Variants in HMCN1 observed in about 807,000 individuals in gnomAD.
HMCN1 encodes the protein hemicentin-1.
HMCN1 carries 321 observed loss-of-function variants against 625.9 expected under a neutral mutation model. That is an observed-to-expected ratio of 0.51 (90% confidence interval 0.47 to 0.56). HMCN1 has a LOEUF of 0.56. HMCN1 is among the 20% of genes least tolerant of loss of function. The pLI, the probability that HMCN1 is intolerant of heterozygous loss-of-function variation, is 0.00. For synonymous variants in HMCN1, 2,425 were observed against 2,417.6 expected (o/e 1.00, Z -0.09); for missense variants, 6,588 against 6,887.3 (o/e 0.96, Z 1.54).
chr1:186,127,749 G>A (rs1298118742), intron 82 of HMCN1, among the ~76,000 whole-genome samples: 1 of 152,112 alleles, frequency 6.6e-6, no homozygotes, highest in Non-Finnish European at 1.5e-5. Flanking sequence ...TCAAGATGCT[G>A]TCAGCTTTTG....
intron 4 of HMCN1, among the ~76,000 whole-genome samples, chr1:185,906,219 A>G (rs1224415622): frequency 6.6e-6 from 1 of 151,768 alleles, no homozygotes; most frequent in Non-Finnish European, 1.5e-5. Context: ...TTATTCACAT[A>G]TTGGTAGTAT....
intron 1 of HMCN1, among the ~76,000 whole-genome samples, chr1:185,747,230 C>G (rs1028730466): frequency 2.0e-5 from 3 of 152,060 alleles, no homozygotes; most frequent in African/African-American, 7.2e-5. Context: ...TGGATAGGAA[C>G]AGAGTTCTCA....
chr1:185,949,684 A>G (rs1668540303), intron 11 of HMCN1, among the ~76,000 whole-genome samples: 1 of 151,944 alleles, frequency 6.6e-6, no homozygotes, highest in Non-Finnish European at 1.5e-5. Context: ...ACAGAAGGGA[A>G]GAAATGACTG....
At chr1:186,065,473 C>G in intron 49 of HMCN1, 44 bp downstream of exon 49, 1 of 1,410,890 alleles carries the variant, frequency 7.1e-7, no homozygotes, top group Non-Finnish European at 9.5e-7. Context: ...TCTGACATGA[C>G]TGTAGGCTAA....
intron 10 of HMCN1, among the ~76,000 whole-genome samples, chr1:185,929,564 C>A (rs1428808485): frequency 6.6e-6 from 1 of 152,092 alleles, no homozygotes; most frequent in Non-Finnish European, 1.5e-5. Context: ...CTATTCTGAC[C>A]TATATATTGC....
chr1:186,131,750 G>T (rs1661946167), intron 85 of HMCN1, among the ~76,000 whole-genome samples: 1 of 152,084 alleles, frequency 6.6e-6, no homozygotes, highest in Non-Finnish European at 1.5e-5. Flanking sequence ...TTTATTTAGT[G>T]CAGTCCTACA....
chr1:186,176,543 A>G (rs1652592702), intron 103 of HMCN1, among the ~76,000 whole-genome samples: 1 of 152,198 alleles, frequency 6.6e-6, no homozygotes, highest in South Asian at 2.1e-4. Context: ...GGCACATGAT[A>G]TCAAACCCAT....
At chr1:186,041,936 C>A (rs181038923) in intron 40 of HMCN1, among the ~76,000 whole-genome samples, 214 of 152,200 alleles carry the variant, frequency 1.4e-3, no homozygotes, top group Non-Finnish European at 2.4e-3. Context: ...AAATACATTA[C>A]CTTTTTAAAA....
At chr1:185,906,446 A>G (rs187531420) in intron 4 of HMCN1, among the ~76,000 whole-genome samples, 21 of 151,836 alleles carry the variant, frequency 1.4e-4, no homozygotes, top group Non-Finnish European at 2.7e-4. Flanking sequence ...TATATTCTGT[A>G]CCATTTGAAC....
chr1:185,751,947 C>G (rs534632795), intron 1 of HMCN1, among the ~76,000 whole-genome samples: 1 of 152,096 alleles, frequency 6.6e-6, no homozygotes, highest in East Asian at 1.9e-4. Flanking sequence ...TCTATTTGGT[C>G]TGCTGACTGT....
intron 55 of HMCN1, 56 bp downstream of exon 55, chr1:186,078,276 A>G (rs886641446): frequency 1.6e-6 from 2 of 1,269,800 alleles, no homozygotes; most frequent in Non-Finnish European, 2.3e-6. Context: ...TTTTTGAGGA[A>G]CTAATGTTTG....
At chr1:185,949,626 T>C (rs961218104) in intron 11 of HMCN1, among the ~76,000 whole-genome samples, 3 of 151,902 alleles carry the variant, frequency 2.0e-5, no homozygotes, top group Non-Finnish European at 2.9e-5. Context: ...GCTCATCTCT[T>C]ATCAGACTGT....
At chr1:185,832,809 C>T (rs1331949098) in intron 1 of HMCN1, among the ~76,000 whole-genome samples, 5 of 152,128 alleles carry the variant, frequency 3.3e-5, no homozygotes, top group African/African-American at 1.2e-4. Flanking sequence ...GCCAAAATTG[C>T]TATAAGAAAC....
At chr1:186,064,050 G>A (rs1020564490) in intron 48 of HMCN1, among the ~76,000 whole-genome samples, 1 of 152,078 alleles carries the variant, frequency 6.6e-6, no homozygotes, top group African/African-American at 2.4e-5. Context: ...ATAAGCAGAG[G>A]GGGGAATGTT....
At chr1:186,135,488 A>G (rs1649537977) in intron 86 of HMCN1, among the ~76,000 whole-genome samples, 1 of 152,178 alleles carries the variant, frequency 6.6e-6, no homozygotes, top group Non-Finnish European at 1.5e-5. Flanking sequence ...GCTCATCTTT[A>G]TTCTGAGCTC....
rs371625429 is a variant in HMCN1, at chr1:186,165,136, C to T, written c.15282C>T (p.Ser5094=). The change falls in exon 98 of 107, where the codon TCC becomes TCT. Residue 5094 remains serine, a synonymous_variant. Coordinates refer to ENST00000271588, the MANE Select transcript of HMCN1 (RefSeq NM_031935.3). ...SKGDRSNQCP[S]GFTLDSVGPF... ...GAGATCGCAGTAATCAGTGCCCCTC[C>T]GGGTTTACCTTAGACTCAGTTGGAC... 19 of 1,613,912 alleles carry T rather than the reference C, an allele frequency of 1.2e-5. No individual in the cohort carries two copies. The highest frequency in any genetic ancestry group is 2.2e-5 in the South Asian group (2 of 91,064).
intron 6 of HMCN1, among the ~76,000 whole-genome samples, chr1:185,918,285 A>G (rs1666827669): frequency 6.6e-6 from 1 of 152,140 alleles, no homozygotes; most frequent in Non-Finnish European, 1.5e-5. Context: ...CAAGAGTCCA[A>G]AGGCCGAAGA....
chr1:186,030,746 A>AT (rs923128271), intron 36 of HMCN1, among the ~76,000 whole-genome samples: 5 of 151,688 alleles, frequency 3.3e-5, no homozygotes, highest in Non-Finnish European at 7.4e-5. Context: ...TTATTATGTC[A>AT]TTTTTTGTTT....
chr1:185,894,460 AG>A (rs1166873686), intron 4 of HMCN1, among the ~76,000 whole-genome samples: 2 of 152,214 alleles, frequency 1.3e-5, no homozygotes, highest in Non-Finnish European at 2.9e-5. Context: ...AGAACATTCT[AG>A]GACATTTCAT....
Sources: allele counts gnomAD v4.1 joint callset (sites outside exome capture counted in the v4.1 genomes callset), GRCh38; gene constraint gnomAD v4.1.1; transcripts MANE v1.5; gene names NCBI Gene and HGNC (gene_info 2026-07-23, HGNC 2026-07-21).